Variants in PGM2L1 observed in about 807,000 individuals in gnomAD.
PGM2L1 encodes the protein glucose 1,6-bisphosphate synthase.
PGM2L1 carries 35 observed loss-of-function variants against 73.4 expected under a neutral mutation model. That is an observed-to-expected ratio of 0.48 (90% CI 0.36 to 0.63). PGM2L1 has a LOEUF of 0.63. Ranked by LOEUF, PGM2L1 falls within the 30% of genes least tolerant of loss-of-function variation. PGM2L1 has a pLI of 0.00. For synonymous variants in PGM2L1, 225 were observed against 253.8 expected, an observed-to-expected ratio of 0.89 and a Z score of 1.08; for missense variants, 570 against 742.0, an observed-to-expected ratio of 0.77 and a Z score of 2.69.
At chr11:74,359,346 C>T (rs546352817) in intron 5 of PGM2L1, among the ~76,000 whole-genome samples, 136 of 151,874 alleles carry the variant, frequency 9.0e-4, no homozygotes, top group African/African-American at 2.8e-3. Flanking sequence ...GGTGTGATCA[C>T]GGCTCACTGC....
chr11:74,343,326 T>C lies in PGM2L1; in HGVS notation c.1309A>G (p.Ile437Val), dbSNP rs776870791. The change falls in exon 10 of 14, where the codon ATT becomes GTT. Residue 437 changes from isoleucine (I) to valine (V), a missense_variant. Transcript: ENST00000298198. ...KEVLFAFEES[I>V]GFLCGTSVLD... ...GATTTTAATATTTACTACATACCAA[T>C]AGACTCTTCAAATGCAAAAAGGACT... 5 of 1,604,224 alleles carry C rather than the reference T, an allele frequency of 3.1e-6. No individual in the cohort carries two copies. The highest frequency in any genetic ancestry group is 3.5e-5 in the Admixed American group (2 of 57,068).
intron 4 of PGM2L1, among the ~76,000 whole-genome samples, chr11:74,368,976 C>T (rs1862706204): frequency 1.3e-5 from 2 of 152,126 alleles, no homozygotes; most frequent in South Asian, 4.1e-4. Flanking sequence ...AGTTCCTATA[C>T]ACAAAATTAC....
chr11:74,361,702 A>G (rs1389303954), intron 5 of PGM2L1, among the ~76,000 whole-genome samples: 1 of 152,192 alleles, frequency 6.6e-6, no homozygotes, highest in Non-Finnish European at 1.5e-5. Flanking sequence ...GAAGTCCTTA[A>G]ATGACCTGAT....
intron 12 of PGM2L1, among the ~76,000 whole-genome samples, chr11:74,341,352 C>G (rs1862178971): frequency 6.6e-6 from 1 of 152,176 alleles, no homozygotes; most frequent in African/African-American, 2.4e-5. Flanking sequence ...GGGTTCTTGA[C>G]TTCACACAGG....
intron 1 of PGM2L1, among the ~76,000 whole-genome samples, chr11:74,389,253 T>C (rs1863056028): frequency 1.3e-5 from 2 of 152,114 alleles, no homozygotes; most frequent in South Asian, 4.1e-4. Flanking sequence ...GAGACCCTGT[T>C]TCTCTACAAA....
At chr11:74,374,786 T>C (rs1862832439) in intron 1 of PGM2L1, among the ~76,000 whole-genome samples, 1 of 152,238 alleles carries the variant, frequency 6.6e-6, no homozygotes, top group Admixed American at 6.5e-5. Context: ...GGGTGATTTA[T>C]ATATCTTTTA....
chr11:74,373,618 A>G (rs1437348949), intron 2 of PGM2L1, among the ~76,000 whole-genome samples: 1 of 152,270 alleles, frequency 6.6e-6, no homozygotes, highest in Non-Finnish European at 1.5e-5. Context: ...CACAAATTAT[A>G]TCATATTACA....
At chr11:74,374,063 AAAAAAAAAAC>A (rs1222120033) in intron 2 of PGM2L1, among the ~76,000 whole-genome samples, 4 of 149,142 alleles carry the variant, frequency 2.7e-5, no homozygotes, top group Admixed American at 6.7e-5. Context: ...AAAAAAAAAA[AAAAAAAAAAC>A]CAGACTGAGA....
intron 2 of PGM2L1, among the ~76,000 whole-genome samples, chr11:74,372,221 G>A (rs976040324): frequency 6.6e-6 from 1 of 151,726 alleles, no homozygotes; most frequent in Admixed American, 6.6e-5. Context: ...TTAAGTCCTT[G>A]CTAGATCATA....
chr11:74,344,891 G>A (rs1255773794), intron 9 of PGM2L1, among the ~76,000 whole-genome samples: 2 of 152,172 alleles, frequency 1.3e-5, no homozygotes, highest in African/African-American at 4.8e-5. Context: ...CAAGAAAAAT[G>A]TCCAGGGACA....
In PGM2L1 at chr11:74,369,773, G is replaced by A. The variant is rs551711655; in HGVS notation, c.471+1129C>T. On this transcript the variant is annotated intron_variant, in intron 4 of 13. Coordinates refer to ENST00000298198, the MANE Select transcript of PGM2L1 (RefSeq NM_173582.6). Reference sequence around the variant, plus strand: ...TAATTTATTTATTTATTGACATGGAGTCTTGCTCTGCTGTCCAGGCTGGAG... The same window carrying A: ...TAATTTATTTATTTATTGACATGGAATCTTGCTCTGCTGTCCAGGCTGGAG... Among the ~76,000 whole-genome samples the A allele has an allele frequency of 9.9e-5, 15 of 152,228 alleles. No individual in the cohort carries two copies. In the East Asian group the frequency reaches 1.9e-3, roughly 20 times the overall value.
chr11:74,337,375 T>A (rs1206113259), intron 13 of PGM2L1, among the ~76,000 whole-genome samples: 1 of 152,220 alleles, frequency 6.6e-6, no homozygotes, highest in East Asian at 1.9e-4. Context: ...CATTACCCAA[T>A]TTGGTTTACT....
At chr11:74,397,743 T>C (rs1863198667) in intron 1 of PGM2L1, 2 of 216,278 alleles carry the variant, frequency 9.2e-6, no homozygotes, top group Non-Finnish European at 8.1e-6. Context: ...ACAATGATGA[T>C]GATTTTTTTT....
At chr11:74,381,571 C>CTTTTTTTT (rs1195996518) in intron 1 of PGM2L1, among the ~76,000 whole-genome samples, 6 of 95,436 alleles carry the variant, frequency 6.3e-5, no homozygotes, top group African/African-American at 1.3e-4. Flanking sequence ...GTGTTTTTGT[C>CTTTTTTTT]TTTTTTTTTT....
intron 6 of PGM2L1, among the ~76,000 whole-genome samples, chr11:74,351,093 G>A (rs982087179): frequency 6.6e-6 from 1 of 152,074 alleles, no homozygotes; most frequent in African/African-American, 2.4e-5. Context: ...CTTTGTGACT[G>A]GCTTCTTTCA....
intron 5 of PGM2L1, chr11:74,354,444 T>A (rs1565438147): frequency 6.8e-6 from 5 of 732,410 alleles, no homozygotes; most frequent in Non-Finnish European, 1.2e-5. Flanking sequence ...CCTGCTGTCA[T>A]GTCTAAGTCA....
At chr11:74,359,035 TAC>T (rs1462308999) in intron 5 of PGM2L1, among the ~76,000 whole-genome samples, 5 of 152,164 alleles carry the variant, frequency 3.3e-5, no homozygotes, top group Admixed American at 2.6e-4. Context: ...TATTAAAAAA[TAC>T]ATAGATGAAA....
intron 5 of PGM2L1, among the ~76,000 whole-genome samples, chr11:74,363,951 T>C (rs961792548): frequency 1.3e-5 from 2 of 152,158 alleles, no homozygotes; most frequent in Non-Finnish European, 2.9e-5. Context: ...TAAACATCAA[T>C]GCAAAAATCC....
chr11:74,338,001 G>A (rs1367245246), intron 13 of PGM2L1, among the ~76,000 whole-genome samples: 1 of 152,118 alleles, frequency 6.6e-6, no homozygotes, highest in Non-Finnish European at 1.5e-5. Flanking sequence ...TAATCTGAAT[G>A]TCCATCAAAT....
Sources: allele counts gnomAD v4.1 joint callset (sites outside exome capture counted in the v4.1 genomes callset), GRCh38; gene constraint gnomAD v4.1.1; transcripts MANE v1.5; gene names NCBI Gene and HGNC (gene_info 2026-07-23, HGNC 2026-07-21).